The following ELP3 variants were observed in gnomAD, a reference collection of about 807,000 sequenced individuals.
ELP3 encodes the protein elongator complex protein 3.
ELP3 carries 56 observed loss-of-function variants against 74.9 expected under a neutral mutation model. The observed-to-expected ratio is 0.75, with a 90% CI of 0.60 to 0.93. The LOEUF (loss-of-function observed/expected upper bound fraction) is 0.93. Ranked by LOEUF, ELP3 falls within the 40% of genes least tolerant of loss-of-function variation. The pLI is 0.00. For synonymous variants in ELP3, 222 were observed against 239.8 expected (o/e 0.93, Z 0.68); for missense variants, 573 against 686.5 (o/e 0.83, Z 1.85).
At chr8:28,187,034 C>A (rs572750868) in intron 14 of ELP3, among the ~76,000 whole-genome samples, 16 of 152,298 alleles carry the variant, frequency 1.1e-4, no homozygotes, top group African/African-American at 3.6e-4. Flanking sequence ...ACTCCTGATT[C>A]CTCTTGCAAG....
chr8:28,142,263 A>G lies in ELP3; in HGVS notation c.1100+4372A>G, dbSNP rs184144754. The stretch of plus-strand genomic sequence containing the variant: ...AGGCATGACATTATTAATAAGCAAC[A>G]TATGAGGCCTGTTAAGGAAACCTGG... On this transcript the variant is annotated intron_variant, in intron 10 of 14. Coordinates refer to ENST00000256398, the MANE Select transcript of ELP3 (RefSeq NM_018091.6). 3.3e-5 allele frequency among the ~76,000 whole-genome samples: 5 copies of G among 152,314 alleles called. No individual in the cohort carries two copies. The East Asian group carries it at 9.7e-4, about 29-fold the overall frequency.
At chr8:28,132,490 G>A in intron 9 of ELP3, 86 bp downstream of exon 9, 1 of 1,544,614 alleles carries the variant, frequency 6.5e-7, no homozygotes, top group Non-Finnish European at 8.9e-7. Flanking sequence ...CACTGTTGAT[G>A]TTTTCCAGTG....
chr8:28,091,535 G>T (rs1263773275), upstream of ELP3, among the ~76,000 whole-genome samples: 3 of 152,188 alleles, frequency 2.0e-5, no homozygotes, highest in Admixed American at 6.5e-5. Context: ...TCATAGTGGG[G>T]TCAAAGCCTC....
chr8:28,110,372 A>G lies in ELP3; in HGVS notation c.396A>G (p.Pro132=). ...YSTQSYTGYE[P]TSMRAIRARY... is the part of the protein sequence containing the mutation. The stretch of plus-strand genomic sequence containing the variant: ...ATAACAATATTTTTCTCTTCTAGCC[A>G]ACCTCCATGAGAGCTATCCGTGCCA... Residue 132 remains proline (P), a splice_region_variant and synonymous_variant, in exon 6 of 15, where the codon CCA becomes CCG. Coordinates refer to ENST00000256398, the MANE Select transcript of ELP3 (RefSeq NM_018091.6). 1 of 1,613,300 alleles carries G rather than the reference A, an allele frequency of 6.2e-7. No individual in the cohort carries two copies. Among genetic ancestry groups the G allele is most frequent in the Non-Finnish European group, 8.5e-7 (1 of 1,179,672 alleles).
chr8:28,124,239 G>C (rs1260973504), intron 7 of ELP3, among the ~76,000 whole-genome samples: 1 of 152,002 alleles, frequency 6.6e-6, no homozygotes, highest in Non-Finnish European at 1.5e-5. Context: ...ATAGAATTCT[G>C]GTACTTAATA....
chr8:28,143,668 T>C (rs1173396781), intron 10 of ELP3, among the ~76,000 whole-genome samples: 1 of 152,182 alleles, frequency 6.6e-6, no homozygotes, highest in Non-Finnish European at 1.5e-5. Flanking sequence ...CGCTTCCAGG[T>C]TTCTTTGCTT....
chr8:28,161,930 T>C, intron 13 of ELP3, 67 bp from the exon 14 acceptor site: 1 of 1,522,870 alleles, frequency 6.6e-7, no homozygotes, highest in Non-Finnish European at 9.1e-7. Flanking sequence ...GCCTTCTTGT[T>C]TTATGGACCC....
At chr8:28,139,098 TG>T (rs1187146338) in intron 10 of ELP3, among the ~76,000 whole-genome samples, 1 of 151,968 alleles carries the variant, frequency 6.6e-6, no homozygotes, top group Admixed American at 6.6e-5. Flanking sequence ...GGCAGAGGCG[TG>T]GTGCAGGCTG....
At chr8:28,168,420 C>A (rs183160663) in intron 14 of ELP3, among the ~76,000 whole-genome samples, 4 of 152,300 alleles carry the variant, frequency 2.6e-5, no homozygotes, top group Admixed American at 2.6e-4. Context: ...GAAGTCCAGC[C>A]TTGCCAGTGT....
At position 28,190,278 on chromosome 8, in the gene ELP3, G is replaced by A. The variant is rs1815408796; in HGVS notation, c.*553G>A. 6.6e-6 allele frequency: 1 copy of A among 152,434 alleles called. No homozygotes were observed. The highest frequency in any genetic ancestry group is 1.5e-5 in the Non-Finnish European group (1 of 68,090). The allele number at this position is 152,434 out of a possible 1,614,324, so 9.4% of individuals were successfully genotyped here. A position where few individuals can be genotyped will look rare whatever the true frequency, so the allele number is the denominator to read the frequency against. On this transcript the variant is annotated 3_prime_UTR_variant, in exon 15 of 15. Transcript: ENST00000256398. ...TGCTGATGTTTAGAAATAAATAGCAGTGTGACTGGGAAAGAGGAATTGCAG... is the reference window on the plus strand; with the variant it reads ...TGCTGATGTTTAGAAATAAATAGCAATGTGACTGGGAAAGAGGAATTGCAG...
chr8:28,157,380 A>G (rs1264123417), intron 11 of ELP3, among the ~76,000 whole-genome samples: 1 of 152,044 alleles, frequency 6.6e-6, no homozygotes, highest in Non-Finnish European at 1.5e-5. Context: ...ATATAGAACT[A>G]TTGTAGTGAA....
chr8:28,157,257 C>T (rs994725216), intron 11 of ELP3, among the ~76,000 whole-genome samples: 3 of 136,976 alleles, frequency 2.2e-5, no homozygotes, highest in Non-Finnish European at 3.1e-5. Context: ...AAAATAAGCA[C>T]ACACCAATCT....
chr8:28,156,507 G>C (rs1320714906), intron 11 of ELP3, among the ~76,000 whole-genome samples: 1 of 151,970 alleles, frequency 6.6e-6, no homozygotes, highest in Non-Finnish European at 1.5e-5. Flanking sequence ...TCTCCTCTGT[G>C]CTGGCCCAGG....
chr8:28,100,830 A>G (rs1811449801), intron 3 of ELP3, among the ~76,000 whole-genome samples: 2 of 152,220 alleles, frequency 1.3e-5, no homozygotes, highest in Non-Finnish European at 2.9e-5. Flanking sequence ...GGATGAAAAA[A>G]GATGAGTGTG....
At position 28,165,539 on chromosome 8, in the gene ELP3, G is replaced by A. The variant is rs150146107; in HGVS notation, c.1567+3461G>A. 2.4e-3 allele frequency among the ~76,000 whole-genome samples: 368 copies of A among 152,278 alleles called. 1 individual carries two copies. Among genetic ancestry groups the A allele is most frequent in the African/African-American group, 8.5e-3 (352 of 41,542 alleles). On this transcript the variant is annotated intron_variant, in intron 14 of 14. Coordinates refer to ENST00000256398, the MANE Select transcript of ELP3 (RefSeq NM_018091.6). ...GCTTTTGTATAAGTTGTACACAGTG[G>A]TGGCCTAGATACTCTGTCCTGGCAT...
Position 28,162,163 on chromosome 8 carries a change from C to G in ELP3, c.1567+85C>G, listed in dbSNP as rs956410667. 15 of 1,349,496 alleles carry G rather than the reference C, an allele frequency of 1.1e-5. No individual in the cohort carries two copies. In the Middle Eastern group the frequency reaches 7.3e-4, roughly 66 times the overall value. 83.6% of individuals were successfully genotyped at this position (1,349,496 alleles called of 1,614,324 possible). On this transcript the variant is annotated intron_variant, in intron 14 of 14. Coordinates refer to ENST00000256398, the MANE Select transcript of ELP3 (RefSeq NM_018091.6). ...AAAACTATGTTGGTACCCTCTTGCC[C>G]CTGTTGATGGTTATTACGTTCAAAA...
chr8:28,140,564 G>A (rs1475341914), intron 10 of ELP3, among the ~76,000 whole-genome samples: 1 of 152,152 alleles, frequency 6.6e-6, no homozygotes, highest in Non-Finnish European at 1.5e-5. Context: ...TCTTGGGCAT[G>A]CTTAGCAGTG....
At chr8:28,143,215 C>T (rs1413726674) in intron 10 of ELP3, among the ~76,000 whole-genome samples, 1 of 152,010 alleles carries the variant, frequency 6.6e-6, no homozygotes, top group African/African-American at 2.4e-5. Flanking sequence ...CAATGTATTA[C>T]ATCTTGTGTT....
chr8:28,170,954 G>A (rs1814501122), intron 14 of ELP3, among the ~76,000 whole-genome samples: 1 of 152,130 alleles, frequency 6.6e-6, no homozygotes, highest in South Asian at 2.1e-4. Flanking sequence ...GTTCTTTTAT[G>A]TCTGGGTTAT....
Sources: allele counts gnomAD v4.1 joint callset (sites outside exome capture counted in the v4.1 genomes callset), GRCh38; gene constraint gnomAD v4.1.1; transcripts MANE v1.5; gene names NCBI Gene and HGNC (gene_info 2026-07-23, HGNC 2026-07-21).